TRPM3: variants seen among roughly 807,000 people sequenced by gnomAD.
TRPM3 encodes transient receptor potential cation channel subfamily M member 3.
Under a neutral mutation model 181.2 loss-of-function variants are expected in TRPM3, and 77 were observed. That is an observed-to-expected ratio of 0.42 (90% CI 0.35 to 0.51). TRPM3 has a LOEUF of 0.51. Among genes scored for constraint, TRPM3 ranks in the 20% least tolerant of loss-of-function variants. The pLI is 0.01. For synonymous variants in TRPM3, 745 were observed against 796.4 expected (o/e 0.94, Z 1.09); for missense variants, 1,759 against 2,196.7 (o/e 0.80, Z 3.98).
chr9:71,031,040 C>T (rs915873635), intron 1 of TRPM3, among the ~76,000 whole-genome samples: 3 of 152,084 alleles, frequency 2.0e-5, no homozygotes, highest in Non-Finnish European at 4.4e-5. Flanking sequence ...TCTTGGGCTG[C>T]TACTGCTCCT....
intron 1 of TRPM3, among the ~76,000 whole-genome samples, chr9:71,399,527 T>C (rs1039815078): frequency 3.2e-5 from 1 of 30,954 alleles, no homozygotes; most frequent in Non-Finnish European, 6.6e-5. Flanking sequence ...TTTTCTTTTG[T>C]TTTTTTTTTT....
intron 22 of TRPM3, among the ~76,000 whole-genome samples, chr9:70,559,936 C>T (rs747501961): frequency 1.3e-5 from 2 of 152,130 alleles, no homozygotes; most frequent in African/African-American, 2.4e-5. Flanking sequence ...ACCTGAGGAC[C>T]CTGCCCCCTG....
At chr9:70,771,928 G>A (rs1449603501) in intron 7 of TRPM3, among the ~76,000 whole-genome samples, 2 of 152,136 alleles carry the variant, frequency 1.3e-5, no homozygotes, top group East Asian at 3.9e-4. Context: ...CACAAAGGCA[G>A]GGATTTTTGT....
At chr9:70,575,287 T>A (rs1187291011) in intron 22 of TRPM3, among the ~76,000 whole-genome samples, 1 of 152,114 alleles carries the variant, frequency 6.6e-6, no homozygotes, top group African/African-American at 2.4e-5. Flanking sequence ...TGGAGCTGGC[T>A]TCCCCGCTGG....
intron 1 of TRPM3, among the ~76,000 whole-genome samples, chr9:71,272,349 T>G (rs2083868659): frequency 2.6e-5 from 4 of 152,156 alleles, no homozygotes; most frequent in Admixed American, 2.6e-4. Context: ...ATCTTATATA[T>G]TAACATAAAA....
At chr9:71,028,431 G>T (rs2056859270) in intron 1 of TRPM3, among the ~76,000 whole-genome samples, 1 of 152,110 alleles carries the variant, frequency 6.6e-6, no homozygotes, top group African/African-American at 2.4e-5. Flanking sequence ...AGAGCTAACA[G>T]CATGCTGACA....
chr9:70,747,101 T>C (rs935996286), intron 8 of TRPM3, among the ~76,000 whole-genome samples: 1 of 152,208 alleles, frequency 6.6e-6, no homozygotes, highest in African/African-American at 2.4e-5. Flanking sequence ...AAAGATTTAT[T>C]GAGTGTCTGC....
At chr9:70,700,656 A>G (rs2072222881) in intron 8 of TRPM3, among the ~76,000 whole-genome samples, 1 of 152,356 alleles carries the variant, frequency 6.6e-6, no homozygotes, top group South Asian at 2.1e-4. Context: ...TTAGACGATA[A>G]CTGCCATAGA....
intron 1 of TRPM3, among the ~76,000 whole-genome samples, chr9:71,029,023 T>C (rs562854259): frequency 6.6e-6 from 1 of 152,252 alleles, no homozygotes; most frequent in South Asian, 2.1e-4. Context: ...GACCACACAA[T>C]TGGACACAAA....
chr9:70,620,459 G>GGA, intron 15 of TRPM3, 94 bp from the exon 16 acceptor site: 2 of 1,379,760 alleles, frequency 1.4e-6, no homozygotes, highest in South Asian at 1.3e-5. Flanking sequence ...GCTAGCTCTG[G>GGA]GATCAATACT....
At chr9:70,984,190 G>A (rs1250279790) in intron 1 of TRPM3, among the ~76,000 whole-genome samples, 1 of 152,138 alleles carries the variant, frequency 6.6e-6, no homozygotes, top group African/African-American at 2.4e-5. Flanking sequence ...AACATGAGAG[G>A]AATGAAGACT....
chr9:71,237,584 G>C (rs1486692821), intron 1 of TRPM3, among the ~76,000 whole-genome samples: 1 of 151,962 alleles, frequency 6.6e-6, no homozygotes, highest in Non-Finnish European at 1.5e-5. Context: ...TTAAAGTTTT[G>C]ATACCATTTT....
Position 70,553,320 on chromosome 9 carries a change from G to A in TRPM3, c.3224-10C>T. On this transcript the variant is annotated splice_polypyrimidine_tract_variant and intron_variant, in intron 22 of 25. Transcript: ENST00000677713. ...TTCTGTCCACAGGGAGCTGGAGGGAGCAACACACACAAGAAATGAGAAACT... is the reference window on the plus strand; with the variant it reads ...TTCTGTCCACAGGGAGCTGGAGGGAACAACACACACAAGAAATGAGAAACT... The A allele has an allele frequency of 6.2e-7, 1 of 1,613,372 alleles. No homozygotes were observed. The highest frequency in any genetic ancestry group is 1.1e-5 in the South Asian group (1 of 90,998).
chr9:70,655,305 CAA>C (rs1169901529), intron 9 of TRPM3, among the ~76,000 whole-genome samples: 116 of 33,162 alleles, frequency 3.5e-3, no homozygotes, highest in African/African-American at 0.01. Context: ...GACTCCGTCT[CAA>C]AAAAAAAAAA....
At chr9:71,200,941 G>A (rs1242788700) in intron 1 of TRPM3, among the ~76,000 whole-genome samples, 9 of 151,052 alleles carry the variant, frequency 6.0e-5, no homozygotes, top group East Asian at 5.9e-4. Flanking sequence ...TATTTTGCTC[G>A]TTAGTTGATG....
At position 70,963,243 on chromosome 9, in the gene TRPM3, C is replaced by T. The variant is rs574376730; in HGVS notation, c.178-98732G>A. On this transcript the variant is annotated intron_variant, in intron 1 of 25. Coordinates refer to ENST00000677713, the MANE Select transcript of TRPM3 (RefSeq NM_001366145.2). ...ATCTTTTCTGGCAACTGGCTGGAAG[C>T]CAAGCACCTTACAGGCTGCACAACT... Among the ~76,000 whole-genome samples the T allele has an allele frequency of 5.9e-5, 9 of 152,312 alleles. No individual in the cohort carries two copies. The East Asian group carries it at 1.7e-3, about 29-fold the overall frequency.
chr9:70,686,832 TTTTTC>T (rs1278978118), intron 8 of TRPM3, among the ~76,000 whole-genome samples: 3 of 103,188 alleles, frequency 2.9e-5, no homozygotes, highest in African/African-American at 8.2e-5. Context: ...TTTCTTTTTT[TTTTTC>T]TTTTTTGAGA....
chr9:71,305,853 T>G (rs1162152744), intron 1 of TRPM3, among the ~76,000 whole-genome samples: 1 of 152,142 alleles, frequency 6.6e-6, no homozygotes, highest in Non-Finnish European at 1.5e-5. Flanking sequence ...AGGAATTACC[T>G]TATATTTGGA....
At chr9:70,849,784 T>C (rs2095148633) in intron 3 of TRPM3, among the ~76,000 whole-genome samples, 1 of 144,384 alleles carries the variant, frequency 6.9e-6, no homozygotes, top group Non-Finnish European at 1.5e-5. Context: ...CATGTAATCA[T>C]ACAAACATAT....
Sources: allele counts gnomAD v4.1 joint callset (sites outside exome capture counted in the v4.1 genomes callset), GRCh38; gene constraint gnomAD v4.1.1; transcripts MANE v1.5; gene names NCBI Gene and HGNC (gene_info 2026-07-23, HGNC 2026-07-21).